Variants in DIAPH2 observed in about 807,000 individuals in gnomAD.
The protein encoded by DIAPH2 is diaphanous related formin 2.
In DIAPH2, 35 loss-of-function variants were observed where a neutral mutation model predicts 92.7. That is an observed-to-expected ratio of 0.38 (90% CI 0.29 to 0.50). The LOEUF is 0.50. DIAPH2 is among the 20% of genes least tolerant of loss of function. The probability of loss-of-function intolerance (pLI) is 0.94; values close to 1 mark genes in which losing one functional copy is unlikely to be tolerated. For synonymous variants in DIAPH2, 301 were observed against 280.4 expected (o/e 1.07, Z -0.73); for missense variants, 701 against 819.5 (o/e 0.86, Z 1.77).
rs955511173 is a variant in DIAPH2 at position 97,187,590 on chromosome X, A to G, written c.2719+45796A>G. 3.6e-5 allele frequency among the ~76,000 whole-genome samples: 4 copies of G among 110,189 alleles called. No individual in the cohort carries two copies. The Admixed American group carries it at 3.9e-4, about 11-fold the overall frequency. ...CATGCCTGGCCTAAGTACCTATATT[A>G]TCTTCCATATGAAATGTGATGAGTA... On this transcript the variant is annotated intron_variant, in intron 22 of 26. Coordinates refer to ENST00000324765, the MANE Select transcript of DIAPH2 (RefSeq NM_006729.5).
chrX:97,055,903 T>G (rs2066553761), intron 17 of DIAPH2, among the ~76,000 whole-genome samples: 1 of 111,862 alleles, frequency 8.9e-6, no homozygotes, highest in African/African-American at 3.2e-5. Context: ...GTAACATACT[T>G]ATATTAATAC....
At chrX:97,488,375 A>G (rs1363489971) in intron 26 of DIAPH2, among the ~76,000 whole-genome samples, 1 of 112,197 alleles carries the variant, frequency 8.9e-6, no homozygotes, top group Non-Finnish European at 1.9e-5. Flanking sequence ...TCAGATATGC[A>G]GCTAGCAAAT....
In DIAPH2 at chrX:97,405,915, A is replaced by G. The variant is rs1325240031; in HGVS notation, c.3145+21871A>G. On this transcript the variant is annotated intron_variant, in intron 25 of 26. Coordinates refer to ENST00000324765, the MANE Select transcript of DIAPH2 (RefSeq NM_006729.5). Reference sequence around the variant, plus strand: ...CTTAGTTGATCATTTTCTGGCTGTGAGATAATTTTCTCACAGATTGTTGGC... The same window carrying G: ...CTTAGTTGATCATTTTCTGGCTGTGGGATAATTTTCTCACAGATTGTTGGC... Among the ~76,000 whole-genome samples, 6 of 111,488 alleles carry G rather than the reference A, an allele frequency of 5.4e-5. No homozygotes were observed. The East Asian group carries it at 1.7e-3, about 31-fold the overall frequency.
At chrX:97,047,743 T>A (rs2066494469) in intron 17 of DIAPH2, among the ~76,000 whole-genome samples, 1 of 108,083 alleles carries the variant, frequency 9.3e-6, no homozygotes, top group Non-Finnish European at 1.9e-5. Context: ...AATCAAATGG[T>A]TGTATTAGGT....
intron 17 of DIAPH2, among the ~76,000 whole-genome samples, chrX:97,053,006 G>C (rs928153743): frequency 9.0e-6 from 1 of 111,498 alleles, no homozygotes; most frequent in Middle Eastern, 4.6e-3. Flanking sequence ...TCTCCATCCA[G>C]CACCAAGGTT....
At chrX:97,347,878 AAC>A (rs2069173093) in intron 23 of DIAPH2, among the ~76,000 whole-genome samples, 1 of 111,420 alleles carries the variant, frequency 9.0e-6, no homozygotes, top group Admixed American at 9.6e-5. Context: ...GAAGAAACTA[AAC>A]CCACCAGACC....
intron 4 of DIAPH2, among the ~76,000 whole-genome samples, chrX:96,815,297 G>A (rs1369877783): frequency 8.9e-6 from 1 of 112,041 alleles, no homozygotes; most frequent in Non-Finnish European, 1.9e-5. Context: ...TGTGCTAGCA[G>A]TGAGCAAGGC....
At position 96,812,057 on chromosome X, in the gene DIAPH2, C is replaced by T. The variant is rs1035278320; in HGVS notation, c.447+53799C>T. 5.4e-5 allele frequency among the ~76,000 whole-genome samples: 6 copies of T among 111,899 alleles called. No individual in the cohort carries two copies. The East Asian group carries it at 1.4e-3, about 26-fold the overall frequency. On this transcript the variant is annotated intron_variant, in intron 4 of 26. Transcript: ENST00000324765. ...CATAAAATGAGTTAGGGAGGATTCC[C>T]TCTGTTTCTATTGATTGGAATAGTT...
chrX:96,872,690 A>C (rs2065152119), intron 4 of DIAPH2, among the ~76,000 whole-genome samples: 1 of 108,690 alleles, frequency 9.2e-6, no homozygotes, highest in African/African-American at 3.4e-5. Context: ...GGCGGGGTTT[A>C]ACCACGTTGG....
At position 96,881,693 on chromosome X, in the gene DIAPH2, G is replaced by A; in HGVS notation, c.562G>A (p.Val188Ile). The change falls in exon 5 of 27, where the codon GTT (valine) becomes ATT (isoleucine). Residue 188 changes from valine to isoleucine, a missense_variant. By Grantham distance (29) the Val-to-Ile change is conservative. Around this residue, in one of 3 missense-constraint regions of DIAPH2, gnomAD observed 34 missense variants for 74.7 expected, o/e 0.46. Coordinates refer to ENST00000324765, the MANE Select transcript of DIAPH2 (RefSeq NM_006729.5). ...KLLNCLESLR[V>I]SLTSNPVSWV... ...TCTTAATTGCCTAGAATCCCTCAGG[G>A]TTTCTTTAACCAGCAATCCGGTCAG... 2.5e-6 allele frequency: 3 copies of A among 1,208,233 alleles called. No homozygotes were observed. Among genetic ancestry groups the A allele is most frequent in the Non-Finnish European group, 3.4e-6 (3 of 894,206 alleles).
intron 26 of DIAPH2, among the ~76,000 whole-genome samples, chrX:97,520,014 T>TA (rs1383134292): frequency 1.8e-5 from 2 of 111,992 alleles, no homozygotes; most frequent in Non-Finnish European, 3.8e-5. Context: ...TCTGGCCCCT[T>TA]AAACTGTTTT....
intron 4 of DIAPH2, among the ~76,000 whole-genome samples, chrX:96,876,815 T>G (rs1281924239): frequency 9.1e-6 from 1 of 109,666 alleles, no homozygotes; most frequent in East Asian, 2.9e-4. Flanking sequence ...ATATAAATGA[T>G]GGGTTAATGG....
At chrX:97,442,438 A>G (rs2070269243) in intron 26 of DIAPH2, among the ~76,000 whole-genome samples, 1 of 112,606 alleles carries the variant, frequency 8.9e-6, no homozygotes, top group Non-Finnish European at 1.9e-5. Context: ...ACAAAAAGAT[A>G]CTCAACAGGT....
intron 22 of DIAPH2, among the ~76,000 whole-genome samples, chrX:97,176,323 C>G (rs1010725445): frequency 9.0e-6 from 1 of 111,432 alleles, no homozygotes; most frequent in Non-Finnish European, 1.9e-5. Flanking sequence ...TACTCTTTCT[C>G]TTATGCCCTT....
At chrX:96,702,401 C>T (rs1486082113) in intron 1 of DIAPH2, among the ~76,000 whole-genome samples, 2 of 112,119 alleles carry the variant, frequency 1.8e-5, no homozygotes, top group Non-Finnish European at 3.8e-5. Flanking sequence ...AACTCCTACC[C>T]ACTAGAAACA....
intron 26 of DIAPH2, among the ~76,000 whole-genome samples, chrX:97,490,198 G>A (rs1301192210): frequency 9.1e-6 from 1 of 109,976 alleles, no homozygotes; most frequent in South Asian, 3.8e-4. Flanking sequence ...CAATTTGTTG[G>A]TGTATAATTC....
intron 26 of DIAPH2, among the ~76,000 whole-genome samples, chrX:97,541,216 G>A (rs1440922021): frequency 8.9e-6 from 1 of 111,982 alleles, no homozygotes; most frequent in African/African-American, 3.2e-5. Context: ...CAAGGGTTAA[G>A]TAGAAGAGAA....
At chrX:97,118,788 G>A (rs1273165674) in intron 21 of DIAPH2, among the ~76,000 whole-genome samples, 1 of 112,032 alleles carries the variant, frequency 8.9e-6, no homozygotes, top group Non-Finnish European at 1.9e-5. Flanking sequence ...GGATAGGTAG[G>A]ATTAAGAATC....
chrX:96,996,543 A>G (rs141373702), intron 17 of DIAPH2, among the ~76,000 whole-genome samples: 2,314 of 111,647 alleles, frequency 0.021, 64 homozygotes, highest in African/African-American at 0.072. Context: ...CTCACTGACA[A>G]TACTGTCACA....
Sources: gnomAD v4.1 joint callset for allele counts (sites outside exome capture counted in the v4.1 genomes callset) on GRCh38, gnomAD v4.1.1 for gene constraint, gnomAD v4.1.1 regional missense constraint, MANE v1.5 for transcripts, NCBI Gene and HGNC (gene_info 2026-07-23, HGNC 2026-07-21) for gene names.